Variants in PTPRD observed in about 807,000 individuals in gnomAD.
The protein encoded by PTPRD is receptor-type tyrosine-protein phosphatase delta.
PTPRD carries 34 observed loss-of-function variants against 214.5 expected under a neutral mutation model. The observed-to-expected ratio is 0.16, with a 90% CI of 0.12 to 0.21. The LOEUF (loss-of-function observed/expected upper bound fraction) is 0.21, where lower values mean the gene tolerates loss of function less well. PTPRD is among the 10% of genes least tolerant of loss of function. The pLI is 1.00. For missense variants in PTPRD, 2,545 were observed against 2,398.7 expected (o/e 1.06, Z -1.27); for synonymous variants, 1,128 against 845.7 (o/e 1.33, Z -5.79).
At chr9:9,614,534 T>C (rs1192560212) in intron 7 of PTPRD, among the ~76,000 whole-genome samples, 1 of 152,200 alleles carries the variant, frequency 6.6e-6, no homozygotes, top group East Asian at 1.9e-4. Context: ...TCATGGTCTA[T>C]TGTGCAAATT....
In PTPRD at chr9:8,742,922, G is replaced by C. The variant is rs182537620; in HGVS notation, c.-103-8976C>G. On this transcript the variant is annotated intron_variant, in intron 11 of 45. Transcript: ENST00000381196. ...TAGAGACAATTTTTGTTGTCACAGCGCAAGAAGGGTGACCCATGGCACCTA... is the reference window on the plus strand; with the variant it reads ...TAGAGACAATTTTTGTTGTCACAGCCCAAGAAGGGTGACCCATGGCACCTA... Among the ~76,000 whole-genome samples, 381 of 152,134 alleles carry C rather than the reference G, an allele frequency of 2.5e-3. 2 individuals carry two copies. Among genetic ancestry groups the C allele is most frequent in the Non-Finnish European group, 4.6e-3 (310 of 68,014 alleles).
intron 8 of PTPRD, among the ~76,000 whole-genome samples, chr9:9,438,578 G>A (rs2086236352): frequency 6.6e-6 from 1 of 152,236 alleles, no homozygotes; most frequent in South Asian, 2.1e-4. Flanking sequence ...TGTGTACTGG[G>A]CCAACCAAAG....
chr9:9,263,723 T>G (rs1326822296), intron 9 of PTPRD, among the ~76,000 whole-genome samples: 1 of 151,688 alleles, frequency 6.6e-6, no homozygotes, highest in African/African-American at 2.4e-5. Flanking sequence ...ATACTGCATA[T>G]TCTCACTTAT....
chr9:9,614,747 T>C (rs1211149101), intron 7 of PTPRD, among the ~76,000 whole-genome samples: 1 of 152,196 alleles, frequency 6.6e-6, no homozygotes, highest in Non-Finnish European at 1.5e-5. Context: ...TATATGCCAA[T>C]TTTTCATATC....
At chr9:9,788,498 G>C (rs2098942809) in intron 5 of PTPRD, among the ~76,000 whole-genome samples, 1 of 146,374 alleles carries the variant, frequency 6.8e-6, no homozygotes, top group African/African-American at 2.5e-5. Context: ...CTTGCAGTGA[G>C]CCGAGATCGG....
intron 10 of PTPRD, among the ~76,000 whole-genome samples, chr9:9,042,922 T>C (rs1442993571): frequency 1.3e-5 from 2 of 152,062 alleles, no homozygotes; most frequent in East Asian, 1.9e-4. Context: ...GTAGTGTAAG[T>C]TGGGTATCCG....
intron 7 of PTPRD, among the ~76,000 whole-genome samples, chr9:9,694,275 C>T (rs1055356304): frequency 3.3e-5 from 5 of 151,624 alleles, no homozygotes; most frequent in African/African-American, 1.2e-4. Flanking sequence ...GGGTCTTGAA[C>T]CCCAAGCATA....
At position 8,733,794 on chromosome 9, in the gene PTPRD, C is replaced by T. The variant is rs949202374; in HGVS notation, c.50G>A (p.Arg17His). ...GAATGGCTTACTCTCAGCATCCGTGCGGAGGAAGAAAGTGAGGAGCAGCAG... is the reference window on the plus strand; with the variant it reads ...GAATGGCTTACTCTCAGCATCCGTGTGGAGGAAGAAAGTGAGGAGCAGCAG... The part of the protein sequence containing the change: ...LLLLLLTFFL[R>H]TDAETPPRFT... The change falls in exon 12 of 46, where the codon CGC becomes CAC. Residue 17 changes from arginine to histidine, a missense_variant. Physicochemically the swap from Arg to His is conservative, Grantham distance 29 (BLOSUM62 0). Transcript: ENST00000381196. 7 of 1,552,926 alleles carry T rather than the reference C, an allele frequency of 4.5e-6. No individual in the cohort carries two copies. Among genetic ancestry groups the T allele is most frequent in the East Asian group, 2.4e-5 (1 of 41,076 alleles).
At chr9:10,078,383 G>C (rs1273807453) in intron 3 of PTPRD, among the ~76,000 whole-genome samples, 2 of 150,772 alleles carry the variant, frequency 1.3e-5, no homozygotes, top group East Asian at 3.9e-4. Flanking sequence ...GGGTGTGGTG[G>C]TGTGCCCCTA....
chr9:9,724,143 G>T (rs2098029163), intron 7 of PTPRD, among the ~76,000 whole-genome samples: 1 of 152,098 alleles, frequency 6.6e-6, no homozygotes, highest in African/African-American at 2.4e-5. Flanking sequence ...TCATGTGATT[G>T]ACTTCTAGTT....
intron 5 of PTPRD, among the ~76,000 whole-genome samples, chr9:9,873,784 C>T (rs1266392493): frequency 2.0e-5 from 3 of 151,842 alleles, no homozygotes; most frequent in African/African-American, 7.2e-5. Flanking sequence ...TCTGAGTATC[C>T]CCATAGCAGC....
At chr9:10,471,692 A>C (rs1249016067) in intron 2 of PTPRD, among the ~76,000 whole-genome samples, 1 of 152,144 alleles carries the variant, frequency 6.6e-6, no homozygotes, top group Non-Finnish European at 1.5e-5. Flanking sequence ...GCTCATAAAG[A>C]CTTCATGGAA....
At chr9:8,848,281 G>T (rs1042176155) in intron 11 of PTPRD, among the ~76,000 whole-genome samples, 1 of 149,850 alleles carries the variant, frequency 6.7e-6, no homozygotes, top group Non-Finnish European at 1.5e-5. Flanking sequence ...ACGGTAGAGA[G>T]GCAACGTACT....
In PTPRD at chr9:8,891,137, A is replaced by ATTTTTTTTTTTTTTTTTTTTTTTTTTTTT. The variant is rs761564011; in HGVS notation, c.-104+127559_-104+127560insAAAAAAAAAAAAAAAAAAAAAAAAAAAAA. 2.4e-5 allele frequency among the ~76,000 whole-genome samples: 3 copies of ATTTTTTTTTTTTTTTTTTTTTTTTTTTTT among 123,624 alleles called. 1 individual carries two copies. The highest frequency in any genetic ancestry group is 9.5e-5 in the African/African-American group (3 of 31,616). 81.1% of individuals were successfully genotyped at this position (123,624 alleles called of 152,430 possible). A position where few individuals can be genotyped will look rare whatever the true frequency, so the allele number is the denominator to read the frequency against. On this transcript the variant is annotated intron_variant, in intron 11 of 45. Coordinates refer to ENST00000381196, the MANE Select transcript of PTPRD (RefSeq NM_002839.4). ...AACTTCTGTGCTTTGAATTAATCTA[A>ATTTTTTTTTTTTTTTTTTTTTTTTTTTTT]TTTTTTTTTTTTTTGAGACTGAGTC...
intron 9 of PTPRD, among the ~76,000 whole-genome samples, chr9:9,366,587 C>T (rs1270827047): frequency 6.6e-6 from 1 of 151,358 alleles, no homozygotes; most frequent in Non-Finnish European, 1.5e-5. Context: ...TTTAATCAGA[C>T]AGAAATTTTA....
chr9:8,559,471 G>A lies in PTPRD; in HGVS notation c.353-30692C>T, dbSNP rs547158638. ...CTATCACTTTGAAACCTGCTCTTGG[G>A]CTAGGTTTATGCTTATTTCATCTGA... On this transcript the variant is annotated intron_variant, in intron 14 of 45. Coordinates refer to ENST00000381196, the MANE Select transcript of PTPRD (RefSeq NM_002839.4). Among the ~76,000 whole-genome samples, 9 of 152,248 alleles carry A rather than the reference G, an allele frequency of 5.9e-5. No individual in the cohort carries two copies. In the South Asian group the frequency reaches 1.0e-3, roughly 18 times the overall value.
intron 12 of PTPRD, among the ~76,000 whole-genome samples, chr9:8,711,696 G>A (rs148975145): frequency 2.0e-5 from 3 of 152,234 alleles, no homozygotes; most frequent in African/African-American, 7.2e-5. Flanking sequence ...TTGGGAGGTG[G>A]GCCCAGGTAT....
chr9:10,292,635 C>T (rs1017831559), intron 3 of PTPRD, among the ~76,000 whole-genome samples: 1 of 151,898 alleles, frequency 6.6e-6, no homozygotes, highest in Non-Finnish European at 1.5e-5. Flanking sequence ...TGCTACCCAA[C>T]AAAATCTAGT....
At chr9:8,680,216 G>A (rs531800658) in intron 12 of PTPRD, among the ~76,000 whole-genome samples, 57 of 152,158 alleles carry the variant, frequency 3.7e-4, no homozygotes, top group Non-Finnish European at 6.6e-4. Context: ...TCTAAAAGCC[G>A]TATGTAAGAA....
Sources: gnomAD v4.1 joint callset for allele counts (sites outside exome capture counted in the v4.1 genomes callset) on GRCh38, gnomAD v4.1.1 for gene constraint, MANE v1.5 for transcripts, NCBI Gene and HGNC (gene_info 2026-07-23, HGNC 2026-07-21) for gene names.